The following ANKFN1 variants were observed in gnomAD, a reference collection of about 807,000 sequenced individuals.
ANKFN1 encodes ankyrin repeat and fibronectin type III domain containing 1.
A neutral mutation model predicts 108.7 loss-of-function variants in ANKFN1; 74 were observed. That is an observed-to-expected ratio of 0.68 (90% confidence interval 0.56 to 0.83). The LOEUF is 0.83. ANKFN1 is among the 40% of genes least tolerant of loss of function. The probability of loss-of-function intolerance (pLI) is 0.00; values close to 1 mark genes in which losing one functional copy is unlikely to be tolerated. For missense variants in ANKFN1, 1,505 were observed against 1,382.3 expected (o/e 1.09, Z -1.41); for synonymous variants, 547 against 516.2 (o/e 1.06, Z -0.81).
intron 4 of ANKFN1, among the ~76,000 whole-genome samples, chr17:56,119,117 A>G (rs571408441): frequency 5.8e-4 from 88 of 152,292 alleles, no homozygotes; most frequent in Non-Finnish European, 9.9e-4. Flanking sequence ...TTTGGAATTT[A>G]GAACAGAGAT....
chr17:56,490,149 CAAAG>C (rs2050987993), intron 18 of ANKFN1, among the ~76,000 whole-genome samples: 1 of 152,130 alleles, frequency 6.6e-6, no homozygotes, highest in Non-Finnish European at 1.5e-5. Flanking sequence ...TTCCTGCCCT[CAAAG>C]AAATCACAAT....
chr17:56,431,688 G>A (rs2145116722), intron 8 of ANKFN1, among the ~76,000 whole-genome samples: 1 of 152,322 alleles, frequency 6.6e-6, no homozygotes, highest in East Asian at 1.9e-4. Flanking sequence ...AATGGATGAG[G>A]TAAGTGAATA....
chr17:56,138,772 A>C (rs1046049498), intron 4 of ANKFN1, among the ~76,000 whole-genome samples: 1 of 152,056 alleles, frequency 6.6e-6, no homozygotes, highest in Non-Finnish European at 1.5e-5. Flanking sequence ...TGGCCTCCCA[A>C]AGTGCTAGGA....
rs1459515203 is a variant in ANKFN1 at position 56,511,015 on chromosome 17, G to A, written c.3187G>A (p.Gly1063Ser). Residue 1063 changes from glycine to serine, a missense_variant, in exon 21 of 21, where the codon GGC becomes AGC. Physicochemically the swap from Gly to Ser is moderately conservative, Grantham distance 56. Coordinates refer to ENST00000682825, the MANE Select transcript of ANKFN1 (RefSeq NM_001370326.1). The stretch of plus-strand genomic sequence containing the variant: ...CGGCCCTGCCCTTGATGATCCCAGG[G>A]GCCTAACTCTGGCCCACGCTGCCAG... ...RAGPALDDPR[G>S]LTLAHAASLP... is the part of the protein sequence containing the mutation. The A allele has an allele frequency of 6.5e-7, 1 of 1,536,006 alleles. No homozygotes were observed. The highest frequency in any genetic ancestry group is 2.0e-5 in the Admixed American group (1 of 51,010).
chr17:56,280,073 G>A (rs546279716), intron 3 of ANKFN1, among the ~76,000 whole-genome samples: 286 of 149,322 alleles, frequency 1.9e-3, no homozygotes, highest in African/African-American at 6.9e-3. Context: ...GCAGTGGTGC[G>A]ATCTCAGCTC....
Position 56,477,513 on chromosome 17 carries a change from G to GTCATCAGC in ANKFN1, c.1800_1807dup (p.Arg603LeufsTer14), listed in dbSNP as rs767323427. On this transcript the variant is annotated frameshift_variant, in exon 16 of 21. Coordinates refer to ENST00000682825, the MANE Select transcript of ANKFN1 (RefSeq NM_001370326.1). LOFTEE classifies it high-confidence loss of function. ...GATATTCTATCCTATCACAAAAGGA[G>GTCATCAGC]TCATCAGCGTCTCTTTCCTGGATTA... is the stretch of plus-strand genomic sequence containing the variant. The GTCATCAGC allele has an allele frequency of 6.3e-7, 1 of 1,599,214 alleles. No individual in the cohort carries two copies. Among genetic ancestry groups the GTCATCAGC allele is most frequent in the Non-Finnish European group, 8.5e-7 (1 of 1,171,306 alleles).
intron 2 of ANKFN1, among the ~76,000 whole-genome samples, chr17:56,223,867 G>A (rs1045949677): frequency 6.6e-6 from 1 of 152,224 alleles, no homozygotes; most frequent in Non-Finnish European, 1.5e-5. Flanking sequence ...GATTGGGCAC[G>A]TTCTCTTCCA....
intron 5 of ANKFN1, among the ~76,000 whole-genome samples, chr17:56,353,184 GT>G (rs1373085512): frequency 1.3e-5 from 2 of 151,660 alleles, no homozygotes; most frequent in African/African-American, 4.8e-5. Flanking sequence ...TTAATCTAAT[GT>G]TTATCAAATT....
At chr17:56,352,671 A>G (rs2046275867) in intron 5 of ANKFN1, among the ~76,000 whole-genome samples, 1 of 152,286 alleles carries the variant, frequency 6.6e-6, no homozygotes, top group East Asian at 1.9e-4. Flanking sequence ...TTCTATAAAT[A>G]TTCAACTCTG....
chr17:56,317,492 AACT>A (rs775711701), intron 3 of ANKFN1, among the ~76,000 whole-genome samples: 10 of 152,192 alleles, frequency 6.6e-5, no homozygotes, highest in Non-Finnish European at 1.2e-4. Flanking sequence ...CCAGAATCTA[AACT>A]TGCATTCCTT....
intron 20 of ANKFN1, among the ~76,000 whole-genome samples, chr17:56,503,247 A>T (rs2051434214): frequency 6.6e-6 from 1 of 151,880 alleles, no homozygotes; most frequent in Non-Finnish European, 1.5e-5. Context: ...CTGATCTTCC[A>T]AATGTAAATC....
intron 8 of ANKFN1, among the ~76,000 whole-genome samples, chr17:56,403,037 T>G (rs1028739627): frequency 2.6e-5 from 4 of 152,196 alleles, no homozygotes; most frequent in African/African-American, 9.7e-5. Context: ...ACTTCCAGTT[T>G]TATTCCACTG....
In ANKFN1 at chr17:56,480,632, G is replaced by A. The variant is rs77428423; in HGVS notation, c.1941-36G>A. 2.3e-4 allele frequency: 372 copies of A among 1,608,344 alleles called. 1 individual carries two copies. In the African/African-American group the frequency reaches 4.5e-3, roughly 19 times the overall value. The stretch of plus-strand genomic sequence containing the variant: ...GTTCTGAGCTGTGTTCTGAACTTTT[G>A]TTATATTTCTAATTTTAACTTGACT... On this transcript the variant is annotated intron_variant, in intron 16 of 20. Transcript: ENST00000682825.
At chr17:56,171,976 G>T (rs751664135) in intron 1 of ANKFN1, among the ~76,000 whole-genome samples, 1 of 151,790 alleles carries the variant, frequency 6.6e-6, no homozygotes, top group Non-Finnish European at 1.5e-5. Context: ...AGCATCCTTT[G>T]GTATTTGCTG....
intron 8 of ANKFN1, 30 bp downstream of exon 8, chr17:56,374,744 T>G (rs978363537): frequency 1.3e-6 from 2 of 1,532,682 alleles, no homozygotes; most frequent in African/African-American, 2.8e-5. Context: ...TTTTCATCAC[T>G]CCTTCTTAAA....
chr17:56,227,906 CT>C lies in ANKFN1; in HGVS notation c.13-8del. On this transcript the variant is annotated splice_polypyrimidine_tract_variant and intron_variant, in intron 2 of 20. Coordinates refer to ENST00000682825, the MANE Select transcript of ANKFN1 (RefSeq NM_001370326.1). The stretch of plus-strand genomic sequence containing the variant: ...ATTTTTTAACATTCTTTTTTTCTTT[CT>C]TTGTTTCAGAGGCTACTCTTTAAAG... The C allele has an allele frequency of 6.4e-7, 1 of 1,567,230 alleles. No individual in the cohort carries two copies.
chr17:56,381,500 G>A (rs1030365082), intron 8 of ANKFN1, among the ~76,000 whole-genome samples: 1 of 152,176 alleles, frequency 6.6e-6, no homozygotes, highest in East Asian at 1.9e-4. Context: ...GCTACAGGAG[G>A]CAATTCAAAC....
intron 15 of ANKFN1, among the ~76,000 whole-genome samples, 160 bp downstream of exon 15, chr17:56,466,731 A>T (rs1031470022): frequency 1.3e-5 from 2 of 152,182 alleles, no homozygotes; most frequent in Non-Finnish European, 2.9e-5. Flanking sequence ...TTTTTTATTT[A>T]TCACTCCCTA....
intron 4 of ANKFN1, among the ~76,000 whole-genome samples, chr17:56,125,102 T>G (rs1906845708): frequency 6.6e-6 from 1 of 152,218 alleles, no homozygotes; most frequent in Non-Finnish European, 1.5e-5. Flanking sequence ...CACCTCAACT[T>G]ACATTGACCT....
Sources: allele counts gnomAD v4.1 joint callset (sites outside exome capture counted in the v4.1 genomes callset), GRCh38; gene constraint gnomAD v4.1.1; transcripts MANE v1.5; gene names NCBI Gene and HGNC (gene_info 2026-07-23, HGNC 2026-07-21).